ZNF804B: variants seen among roughly 807,000 people sequenced by gnomAD.
The protein encoded by ZNF804B is zinc finger protein 804B.
ZNF804B carries 80 observed loss-of-function variants against 101.4 expected under a neutral mutation model. The observed-to-expected ratio is 0.79, with a 90% confidence interval of 0.66 to 0.95. The LOEUF (loss-of-function observed/expected upper bound fraction) is 0.95. Among genes scored for constraint, ZNF804B ranks in the 40% least tolerant of loss-of-function variants. The pLI is 0.00. For synonymous variants in ZNF804B, 622 were observed against 558.8 expected, an observed-to-expected ratio of 1.11 and a Z score of -1.59; for missense variants, 1,673 against 1,561.9, an observed-to-expected ratio of 1.07 and a Z score of -1.20.
intron 1 of ZNF804B, among the ~76,000 whole-genome samples, chr7:88,933,502 G>A (rs761374103): frequency 2.0e-5 from 3 of 151,710 alleles, no homozygotes; most frequent in Non-Finnish European, 4.4e-5. Context: ...TGAAACTGTC[G>A]CTAATCACCA....
chr7:88,877,047 A>ATGTTTTT (rs1303437855), intron 1 of ZNF804B, among the ~76,000 whole-genome samples: 1 of 28,764 alleles, frequency 3.5e-5, no homozygotes, highest in Non-Finnish European at 5.5e-5. Context: ...ATATATATAT[A>ATGTTTTT]TATTTTTTTT....
intron 1 of ZNF804B, among the ~76,000 whole-genome samples, chr7:89,187,609 G>A (rs1326479789): frequency 3.3e-5 from 5 of 152,274 alleles, no homozygotes; most frequent in Middle Eastern, 3.4e-3. Context: ...GACTTTGTCT[G>A]CAGTGGCAAA....
At chr7:89,317,097 A>G (rs1017538935) in intron 2 of ZNF804B, among the ~76,000 whole-genome samples, 18 of 152,210 alleles carry the variant, frequency 1.2e-4, no homozygotes, top group Non-Finnish European at 8.8e-5. Context: ...GACTAAGACT[A>G]AGGCTGAAAC....
intron 1 of ZNF804B, among the ~76,000 whole-genome samples, chr7:88,870,654 G>C (rs960098030): frequency 6.6e-6 from 1 of 152,064 alleles, no homozygotes; most frequent in African/African-American, 2.4e-5. Context: ...ATTTTTAGCT[G>C]TCTGGGCCTT....
At chr7:88,813,470 C>T (rs1458992344) in intron 1 of ZNF804B, among the ~76,000 whole-genome samples, 3 of 150,104 alleles carry the variant, frequency 2.0e-5, no homozygotes, top group Non-Finnish European at 3.0e-5. Context: ...TCTCTGTGTG[C>T]GGTTTGCTAA....
At chr7:89,162,210 C>T (rs1035470508) in intron 1 of ZNF804B, among the ~76,000 whole-genome samples, 16 of 152,126 alleles carry the variant, frequency 1.1e-4, no homozygotes, top group Non-Finnish European at 2.2e-4. Flanking sequence ...TACACATCTC[C>T]CTAGCCCACT....
chr7:88,769,680 T>C (rs1281327545), intron 1 of ZNF804B, among the ~76,000 whole-genome samples: 1 of 151,820 alleles, frequency 6.6e-6, no homozygotes, highest in Non-Finnish European at 1.5e-5. Flanking sequence ...AATCTTTTTC[T>C]TTTTTTTGAA....
chr7:88,847,540 G>A (rs968855565), intron 1 of ZNF804B, among the ~76,000 whole-genome samples: 4 of 152,100 alleles, frequency 2.6e-5, no homozygotes, highest in African/African-American at 9.7e-5. Flanking sequence ...TTGATCAGGA[G>A]AATCAGTGGA....
intron 1 of ZNF804B, among the ~76,000 whole-genome samples, chr7:88,934,044 C>T (rs1198016400): frequency 6.6e-6 from 1 of 151,336 alleles, no homozygotes; most frequent in African/African-American, 2.4e-5. Context: ...GTTACCAAAA[C>T]GACATGGTAC....
At chr7:89,132,924 A>C (rs1790575009) in intron 1 of ZNF804B, among the ~76,000 whole-genome samples, 1 of 152,020 alleles carries the variant, frequency 6.6e-6, no homozygotes, top group Non-Finnish European at 1.5e-5. Context: ...CTGAGATTTC[A>C]AGAAGCAATT....
intron 2 of ZNF804B, among the ~76,000 whole-genome samples, chr7:89,281,731 T>C (rs1364573810): frequency 6.6e-6 from 1 of 152,176 alleles, no homozygotes; most frequent in African/African-American, 2.4e-5. Flanking sequence ...TGAAGTGTAG[T>C]GGTTGGATCA....
At chr7:89,155,959 CCT>C (rs531858060) in intron 1 of ZNF804B, among the ~76,000 whole-genome samples, 164 of 151,354 alleles carry the variant, frequency 1.1e-3, no homozygotes, top group African/African-American at 3.9e-3. Flanking sequence ...TACCTTCCCT[CCT>C]CTGTCTCTCT....
intron 2 of ZNF804B, among the ~76,000 whole-genome samples, chr7:89,312,222 C>G (rs1305545048): frequency 6.6e-6 from 1 of 152,144 alleles, no homozygotes; most frequent in Non-Finnish European, 1.5e-5. Flanking sequence ...TAGAAATATC[C>G]TCAAACTAAC....
intron 1 of ZNF804B, among the ~76,000 whole-genome samples, chr7:89,006,981 G>T (rs529741988): frequency 6.6e-6 from 1 of 152,212 alleles, no homozygotes; most frequent in Non-Finnish European, 1.5e-5. Context: ...GTGCGTGTTG[G>T]CCTCCATCGT....
intron 1 of ZNF804B, among the ~76,000 whole-genome samples, chr7:89,138,942 G>A (rs1281310199): frequency 6.6e-6 from 1 of 152,040 alleles, no homozygotes; most frequent in Admixed American, 6.6e-5. Flanking sequence ...AAATTGCCCA[G>A]TCTCTGGTAT....
chr7:88,951,504 AATTG>A (rs67222624), intron 1 of ZNF804B, among the ~76,000 whole-genome samples: 4,190 of 152,016 alleles, frequency 0.028, 79 homozygotes, highest in South Asian at 0.041. Flanking sequence ...TTATTTCTGT[AATTG>A]ATTCTGCAAT....
intron 1 of ZNF804B, among the ~76,000 whole-genome samples, chr7:89,108,223 CT>C (rs68099837): frequency 2.6e-4 from 37 of 140,376 alleles, no homozygotes; most frequent in Admixed American, 4.9e-4. Context: ...TAATTAGCTG[CT>C]TTTTTTTTTT....
chr7:88,797,133 T>C (rs887386877), intron 1 of ZNF804B, among the ~76,000 whole-genome samples: 1 of 152,136 alleles, frequency 6.6e-6, no homozygotes, highest in Non-Finnish European at 1.5e-5. Context: ...ACATGTTTTT[T>C]CCTCTCAGTT....
intron 1 of ZNF804B, among the ~76,000 whole-genome samples, chr7:89,139,105 T>A (rs1332574661): frequency 1.3e-5 from 2 of 152,088 alleles, no homozygotes; most frequent in Non-Finnish European, 1.5e-5. Context: ...TGCAATACAG[T>A]GAGTCAAGGA....
Sources: gnomAD v4.1 joint callset for allele counts (sites outside exome capture counted in the v4.1 genomes callset) on GRCh38, gnomAD v4.1.1 for gene constraint, MANE v1.5 for transcripts, NCBI Gene and HGNC (gene_info 2026-07-23, HGNC 2026-07-21) for gene names.